The following KRT26 variants were observed in gnomAD, a reference collection of about 807,000 sequenced individuals.
KRT26 encodes keratin, type I cytoskeletal 26.
Under a neutral mutation model 46.1 loss-of-function variants are expected in KRT26, and 45 were observed. The ratio of observed to expected loss-of-function variants is 0.98; its 90% CI spans 0.77 to 1.25. The LOEUF is 1.25. Ranked by LOEUF, KRT26 falls within the 50% of genes most tolerant of loss-of-function variation. KRT26 has a pLI of 0.00. For missense variants in KRT26, 582 were observed against 560.1 expected, an observed-to-expected ratio of 1.04 and a Z score of -0.39; for synonymous variants, 191 against 209.9, an observed-to-expected ratio of 0.91 and a Z score of 0.78.
chr17:40,769,988 T>A, exon 4 of KRT26: 1 of 1,614,194 alleles, frequency 6.2e-7, no homozygotes, highest in Non-Finnish European at 8.5e-7. Flanking sequence ...CTTCAGCATC[T>A]TTGCGGTTCT....
At chr17:40,766,937 A>G (rs2038177068) in intron 7 of KRT26, among the ~76,000 whole-genome samples, 1 of 152,096 alleles carries the variant, frequency 6.6e-6, no homozygotes, top group Admixed American at 6.5e-5. Flanking sequence ...ATGGAGTTTC[A>G]CCATGTTGAC....
In KRT26 at chr17:40,769,660, G is replaced by A. The variant is rs1325441322; in HGVS notation, c.969+94C>T. On this transcript the variant is annotated intron_variant, in intron 5 of 7. Coordinates refer to ENST00000335552, the Ensembl canonical transcript of KRT26. ...TTTATACTTTTAGTCATATGTAAAT[G>A]GTTATACGTACTTGGTGTTATATGT... 6 of 1,263,228 alleles carry A rather than the reference G, an allele frequency of 4.7e-6. No homozygotes were observed. The Admixed American group carries it at 6.9e-5, about 15-fold the overall frequency. The allele number at this position is 1,263,228 out of a possible 1,614,324, so 78.3% of individuals were successfully genotyped here.
chr17:40,770,067 G>T, exon 4 of KRT26: 1 of 1,614,152 alleles, frequency 6.2e-7, no homozygotes, highest in Non-Finnish European at 8.5e-7. Flanking sequence ...TCCTGGGGTT[G>T]CATTCATCTC....
At chr17:40,768,899 G>C (rs1430056580) in exon 6 of KRT26, 1 of 1,535,212 alleles carries the variant, frequency 6.5e-7, no homozygotes, top group African/African-American at 1.4e-5. Flanking sequence ...CATCTAGTAA[G>C]TTGCAATAAA....
chr17:40,767,604 A>G lies in KRT26; in HGVS notation c.1237T>C (p.Ser413Pro), dbSNP rs763262770. Residue 413 changes from serine to proline, a missense_variant, in exon 7 of 8, where the codon TCT becomes CCT. Coordinates refer to ENST00000335552, the Ensembl canonical transcript of KRT26. The stretch of plus-strand genomic sequence containing the variant: ...TCTATACCTTTGGCTTGATTTCCAG[A>G]ATTCACAGGCCTGTATCCTTTTGAT... The G allele has an allele frequency of 1.0e-5, 16 of 1,605,698 alleles. No individual in the cohort carries two copies. The Admixed American group carries it at 2.7e-4, about 27-fold the overall frequency.
intron 6 of KRT26, among the ~76,000 whole-genome samples, chr17:40,767,972 A>G (rs932564500): frequency 2.0e-5 from 3 of 152,212 alleles, no homozygotes; most frequent in Non-Finnish European, 2.9e-5. Context: ...TTGCTGGGCT[A>G]GGTGCTGCAG....
intron 2 of KRT26, among the ~76,000 whole-genome samples, 178 bp from the exon 3 acceptor site, chr17:40,770,587 G>C (rs1391856338): frequency 6.6e-6 from 1 of 152,072 alleles, no homozygotes; most frequent in Non-Finnish European, 1.5e-5. Flanking sequence ...TGTATTTTGG[G>C]GATGTTATTT....
chr17:40,766,339 A>C, exon 8 of KRT26: 1 of 454,410 alleles, frequency 2.2e-6, no homozygotes, highest in Non-Finnish European at 3.7e-6. Context: ...AAAGGATTAC[A>C]TGCATAGAAC....
exon 3 of KRT26, chr17:40,770,388 C>T: frequency 6.3e-7 from 1 of 1,598,866 alleles, no homozygotes; most frequent in Non-Finnish European, 8.5e-7. Flanking sequence ...CACTGTGGTG[C>T]AGAGCCAGCT....
exon 3 of KRT26, chr17:40,770,294 G>A (rs2038211868): frequency 1.2e-6 from 2 of 1,614,082 alleles, no homozygotes; most frequent in Non-Finnish European, 1.7e-6. Context: ...TCCTCACTGA[G>A]GGTCTCACAC....
At position 40,766,421 on chromosome 17, in the gene KRT26, A is replaced by T. The variant is rs1268542508; in HGVS notation, c.*94T>A. 5.0e-6 allele frequency: 5 copies of T among 1,008,376 alleles called. No homozygotes were observed. In the African/African-American group the frequency reaches 8.1e-5, roughly 16 times the overall value. The allele number at this position is 1,008,376 out of a possible 1,614,324, so 62.5% of individuals were successfully genotyped here. The stretch of plus-strand genomic sequence containing the variant: ...CAGAAATGAATAATTTCCTTAGGTT[A>T]TTTGACCAGTAGGATTTTTGCAAAG... On this transcript the variant is annotated 3_prime_UTR_variant, in exon 8 of 8. Transcript: ENST00000335552.
chr17:40,770,752 T>C (rs1413901627), intron 2 of KRT26, among the ~76,000 whole-genome samples: 2 of 152,264 alleles, frequency 1.3e-5, no homozygotes, highest in African/African-American at 2.4e-5. Flanking sequence ...TGGCCCCATC[T>C]CAGCTCACTG....
rs147307609 is a variant in KRT26, at chr17:40,771,723, C to T, written c.391G>A (p.Asp131Asn). The T allele has an allele frequency of 1.1e-5, 18 of 1,614,062 alleles. No homozygotes were observed. The highest frequency in any genetic ancestry group is 2.7e-5 in the African/African-American group (2 of 74,916). ...GAGAAGTATCTGCTATAGTCATGATCGTGTTCCCGGGAAGAGCCAGGCTCA... is the reference window on the plus strand; with the variant it reads ...GAGAAGTATCTGCTATAGTCATGATTGTGTTCCCGGGAAGAGCCAGGCTCA... Residue 131 changes from aspartate to asparagine, a missense_variant, in exon 1 of 8, where the codon GAT (aspartate) becomes AAT (asparagine). Asp to Asn is a conservative substitution (Grantham distance 23). Transcript: ENST00000335552.
At chr17:40,770,221 A>G (rs2038210591) in intron 3 of KRT26, 32 bp downstream of exon 3, 2 of 1,613,842 alleles carry the variant, frequency 1.2e-6, no homozygotes. Context: ...GAAATTAGAA[A>G]CTGTATGAAG....
chr17:40,771,511 T>C (rs1055348375), intron 1 of KRT26, among the ~76,000 whole-genome samples, 162 bp downstream of exon 1: 2 of 152,244 alleles, frequency 1.3e-5, no homozygotes, highest in Non-Finnish European at 1.5e-5. Context: ...CATTATTTAA[T>C]TCTACAAGAT....
chr17:40,768,272 G>A (rs1429085144), intron 6 of KRT26, among the ~76,000 whole-genome samples: 1 of 152,202 alleles, frequency 6.6e-6, no homozygotes, highest in Non-Finnish European at 1.5e-5. Context: ...CCACTGTCAT[G>A]AGCTCTTTAC....
chr17:40,771,877 G>C, exon 1 of KRT26: 1 of 1,614,148 alleles, frequency 6.2e-7, no homozygotes, highest in Non-Finnish European at 8.5e-7. Flanking sequence ...CATTCCCAGA[G>C]AGGAGGCTGT....
At chr17:40,766,267 C>CA (rs2038171406) in exon 8 of KRT26, 1 of 313,328 alleles carries the variant, frequency 3.2e-6, no homozygotes, top group Non-Finnish European at 5.7e-6. Context: ...AATGAAATGT[C>CA]AAAAAAGGCC....
chr17:40,771,852 G>C, exon 1 of KRT26: 1 of 1,614,188 alleles, frequency 6.2e-7, no homozygotes, highest in Admixed American at 1.7e-5. Flanking sequence ...TTGAGATTCT[G>C]CATGGTCACC....
Sources: gnomAD v4.1 joint callset for allele counts (sites outside exome capture counted in the v4.1 genomes callset) on GRCh38, gnomAD v4.1.1 for gene constraint, MANE v1.5 for transcripts, NCBI Gene and HGNC (gene_info 2026-07-23, HGNC 2026-07-21) for gene names.